AP3D1: variants seen among roughly 807,000 people sequenced by gnomAD.
The protein encoded by AP3D1 is AP-3 complex subunit delta-1.
In AP3D1, 51 loss-of-function variants were observed where a neutral mutation model predicts 147.6. The observed-to-expected ratio is 0.35, with a 90% CI of 0.28 to 0.44. The LOEUF is 0.44. AP3D1 is among the 20% of genes least tolerant of loss of function. The pLI, the probability that AP3D1 is intolerant of heterozygous loss-of-function variation, is 1.00. For missense variants in AP3D1, 1,421 were observed against 1,624.2 expected, an observed-to-expected ratio of 0.87 and a Z score of 2.15; for synonymous variants, 760 against 663.0, an observed-to-expected ratio of 1.15 and a Z score of -2.25.
At position 2,131,613 on chromosome 19, in the gene AP3D1, G is replaced by A. The variant is rs551071582; in HGVS notation, c.462+858C>T. On this transcript the variant is annotated intron_variant, in intron 5 of 31. Transcript: ENST00000643116. ...ACACCAGGTGGACAGGCAGCCACGC[G>A]GGGACAGCGCCCATCGGCCACGATC... Among the ~76,000 whole-genome samples, 12 of 140,402 alleles carry A rather than the reference G, an allele frequency of 8.5e-5. No individual in the cohort carries two copies. In the East Asian group the frequency reaches 2.3e-3, roughly 27 times the overall value. The allele number at this position is 140,402 out of a possible 152,430, so 92.1% of individuals were successfully genotyped here.
chr19:2,164,615 C>A (rs963723615), upstream of AP3D1: 4 of 201,860 alleles, frequency 2.0e-5, no homozygotes, highest in Admixed American at 6.0e-5. Flanking sequence ...TCGTTCCCGG[C>A]GCTGTCAGTG....
At chr19:2,153,373 C>CA (rs1194354108), upstream of AP3D1, among the ~76,000 whole-genome samples, 1 of 108,786 alleles carries the variant, frequency 9.2e-6, no homozygotes, top group Non-Finnish European at 1.9e-5. Context: ...AACATGGTCT[C>CA]AAAAAAGAAG....
rs151037453 is a variant in AP3D1 at position 2,107,914 on chromosome 19, T to C, written c.3552+773A>G. ...CTCAGTGACTGATGATTCCTTGCGC[T>C]AATTCTTTGAAAAGTACAAAACTAC... On this transcript the variant is annotated intron_variant, in intron 31 of 31. Coordinates refer to ENST00000643116, the MANE Select transcript of AP3D1 (RefSeq NM_001261826.3). 3.9e-4 allele frequency among the ~76,000 whole-genome samples: 59 copies of C among 152,282 alleles called. 1 individual carries two copies. Among genetic ancestry groups the C allele is most frequent in the African/African-American group, 1.4e-3 (58 of 41,562 alleles).
intron 4 of AP3D1, among the ~76,000 whole-genome samples, chr19:2,133,695 G>T (rs1475904699): frequency 6.6e-6 from 1 of 151,946 alleles, no homozygotes; most frequent in Non-Finnish European, 1.5e-5. Context: ...GTACAGATGG[G>T]GTTTTACCAT....
intron 1 of AP3D1, among the ~76,000 whole-genome samples, chr19:2,150,564 G>A (rs892343956): frequency 6.6e-6 from 1 of 152,200 alleles, no homozygotes; most frequent in African/African-American, 2.4e-5. Context: ...GGATCAGGAT[G>A]CCGCTGTCCT....
rs769722214 is a variant in AP3D1, at chr19:2,115,314, T to TCTTCTC, written c.2248_2253dup (p.Glu750_Lys751dup). ...AGCGAGCTGTGGCGGCGCTTGCCCTTCTTCTCCTTCTCCTTCCTCTTTTTC... is the reference window on the plus strand; with the variant it reads ...AGCGAGCTGTGGCGGCGCTTGCCCTTCTTCTCCTTCTCCTTCTCCTTCCTCTTTTTC... On this transcript the variant is annotated inframe_insertion, in exon 20 of 32. Coordinates refer to ENST00000643116, the MANE Select transcript of AP3D1 (RefSeq NM_001261826.3). 3 of 1,612,016 alleles carry TCTTCTC rather than the reference T, an allele frequency of 1.9e-6. No individual in the cohort carries two copies. The highest frequency in any genetic ancestry group is 1.3e-5 in the African/African-American group (1 of 74,934).
chr19:2,141,926 T>TTA (rs1221449015), intron 1 of AP3D1, among the ~76,000 whole-genome samples: 8 of 149,488 alleles, frequency 5.4e-5, no homozygotes, highest in South Asian at 2.1e-4. Context: ...ATTTTTAAAA[T>TTA]TATATATATT....
Position 2,117,352 on chromosome 19 carries a change from G to A in AP3D1, c.1729C>T (p.Gln577Ter). 1 of 1,606,878 alleles carries A rather than the reference G, an allele frequency of 6.2e-7. No homozygotes were observed. Among genetic ancestry groups the A allele is most frequent in the South Asian group, 1.1e-5 (1 of 90,550 alleles). Reference sequence around the variant, plus strand: ...AGCTTCTGGATGTGCTTGACCAGCTGCAGGATGCAGGACGCCTGTGGGGGA... The same window carrying A: ...AGCTTCTGGATGTGCTTGACCAGCTACAGGATGCAGGACGCCTGTGGGGGA... ...EVQERASCIL[Q>*]LVKHIQKLQA... The change falls in exon 16 of 32, where the codon CAG becomes TAG. Residue 577 changes from glutamine (Q) to a stop codon, truncating the protein, a stop_gained. Coordinates refer to ENST00000643116, the MANE Select transcript of AP3D1 (RefSeq NM_001261826.3). LOFTEE classifies it high-confidence loss of function.
chr19:2,128,304 C>G (rs1482637421), intron 8 of AP3D1, among the ~76,000 whole-genome samples: 2 of 152,044 alleles, frequency 1.3e-5, no homozygotes, highest in Non-Finnish European at 2.9e-5. Context: ...CCCCAAACGT[C>G]TCTAAGCAGC....
chr19:2,117,090 C>G, intron 16 of AP3D1, 132 bp downstream of exon 16: 1 of 1,204,168 alleles, frequency 8.3e-7, no homozygotes, highest in Non-Finnish European at 1.1e-6. Context: ...GAGGGATATA[C>G]CCGCCTGAGG....
intron 12 of AP3D1, 43 bp from the exon 13 acceptor site, chr19:2,121,354 T>A: frequency 6.2e-7 from 1 of 1,603,826 alleles, no homozygotes; most frequent in Non-Finnish European, 8.5e-7. Context: ...GGACCCAGCC[T>A]GGGGCCTGCT....
intron 1 of AP3D1, among the ~76,000 whole-genome samples, chr19:2,157,114 C>G (rs1247564748): frequency 2.0e-5 from 3 of 151,704 alleles, no homozygotes; most frequent in African/African-American, 7.3e-5. Flanking sequence ...ATCCATCCAT[C>G]CATCCACCCA....
At position 2,114,763 on chromosome 19, in the gene AP3D1, T is replaced by A; in HGVS notation, c.2408A>T (p.Asp803Val). 6.2e-7 allele frequency: 1 copy of A among 1,613,580 alleles called. No homozygotes were observed. The highest frequency in any genetic ancestry group is 1.7e-5 in the Admixed American group (1 of 59,994). The change falls in exon 21 of 32, where the codon GAT becomes GTT. Residue 803 changes from aspartate (D) to valine (V), a missense_variant. By Grantham distance (152) the Asp-to-Val change is radical. Coordinates refer to ENST00000643116, the MANE Select transcript of AP3D1 (RefSeq NM_001261826.3). ...ATGGACTCACTTATCCAGGTCAATA[T>A]CCAGAGCCCTGTAGGGGTCGTTGGG... ...KDPNDPYRAL[D>V]IDLDKPLADS...
At chr19:2,124,711 C>T (rs1296316055) in intron 9 of AP3D1, among the ~76,000 whole-genome samples, 2 of 152,128 alleles carry the variant, frequency 1.3e-5, no homozygotes, top group Admixed American at 1.3e-4. Flanking sequence ...GAGGCTGAGG[C>T]GGGCAGATGA....
intron 14 of AP3D1, 73 bp from the exon 15 acceptor site, chr19:2,118,905 G>A (rs997294278): frequency 2.8e-6 from 4 of 1,436,144 alleles, no homozygotes; most frequent in Non-Finnish European, 2.9e-6. Context: ...GAGGACCTAG[G>A]AGGCCTGGGC....
rs2017969971 is a variant in AP3D1, at chr19:2,102,103, G to T, written c.*70C>A. 8.0e-7 allele frequency: 1 copy of T among 1,256,894 alleles called. No individual in the cohort carries two copies. Among genetic ancestry groups the T allele is most frequent in the Non-Finnish European group, 1.2e-6 (1 of 864,476 alleles). 77.9% of individuals were successfully genotyped at this position (1,256,894 alleles called of 1,614,324 possible). A position where few individuals can be genotyped will look rare whatever the true frequency, so the allele number is the denominator to read the frequency against. On this transcript the variant is annotated 3_prime_UTR_variant, in exon 32 of 32. Coordinates refer to ENST00000643116, the MANE Select transcript of AP3D1 (RefSeq NM_001261826.3). ...GTACAGTACACACGACTGAGGAGAG[G>T]CGAGACACGTCAGGGCTGCGGTCCC...
chr19:2,119,246 A>G (rs992618493), intron 14 of AP3D1, among the ~76,000 whole-genome samples: 2 of 152,196 alleles, frequency 1.3e-5, no homozygotes, highest in Non-Finnish European at 2.9e-5. Flanking sequence ...TTTCTAGTCC[A>G]CTTTTTTCCC....
chr19:2,111,362 G>A, intron 25 of AP3D1, 30 bp from the exon 26 acceptor site: 1 of 1,613,548 alleles, frequency 6.2e-7, no homozygotes, highest in Non-Finnish European at 8.5e-7. Context: ...ATCAGCCTTG[G>A]GGGCCCCGAG....
At chr19:2,109,799 G>A in intron 29 of AP3D1, 74 bp downstream of exon 29, 3 of 1,409,898 alleles carry the variant, frequency 2.1e-6, no homozygotes, top group African/African-American at 1.4e-5. Flanking sequence ...TCAGTCCCCG[G>A]GGCACAGGTG....
Sources: allele counts gnomAD v4.1 joint callset (sites outside exome capture counted in the v4.1 genomes callset), GRCh38; gene constraint gnomAD v4.1.1; transcripts MANE v1.5; gene names NCBI Gene and HGNC (gene_info 2026-07-23, HGNC 2026-07-21).